Variants in SNAP91 observed in about 807,000 individuals in gnomAD.
SNAP91 encodes clathrin coat assembly protein AP180.
Under a neutral mutation model 100.3 loss-of-function variants are expected in SNAP91, and 27 were observed. The ratio of observed to expected loss-of-function variants is 0.27; its 90% confidence interval spans 0.20 to 0.37. The LOEUF (loss-of-function observed/expected upper bound fraction) is 0.37. SNAP91 is among the 10% of genes least tolerant of loss of function. The probability of loss-of-function intolerance (pLI) is 1.00; values close to 1 mark genes in which losing one functional copy is unlikely to be tolerated. For synonymous variants in SNAP91, 404 were observed against 398.6 expected (o/e 1.01, Z -0.16); for missense variants, 986 against 1,123.7 (o/e 0.88, Z 1.75).
chr6:83,680,083 A>G (rs954055762), intron 2 of SNAP91, among the ~76,000 whole-genome samples: 1 of 152,188 alleles, frequency 6.6e-6, no homozygotes, highest in Non-Finnish European at 1.5e-5. Context: ...ATATATTTAC[A>G]GAACCTTCTG....
intron 2 of SNAP91, chr6:83,689,451 A>T (rs2099104234): frequency 6.6e-6 from 1 of 152,202 alleles, no homozygotes; most frequent in Non-Finnish European, 1.5e-5. Context: ...AATTAGTTGA[A>T]TATAGCTATG....
intron 2 of SNAP91, among the ~76,000 whole-genome samples, chr6:83,694,760 G>A (rs2099173787): frequency 1.3e-5 from 2 of 152,142 alleles, no homozygotes; most frequent in South Asian, 4.1e-4. Flanking sequence ...GCACTAGAGA[G>A]GTCAAGCTTC....
rs1250340779 is a variant in SNAP91, at chr6:83,572,559, T to C, written c.2442+2451A>G. On this transcript the variant is annotated intron_variant, in intron 26 of 29. Coordinates refer to ENST00000369694, the MANE Select transcript of SNAP91 (RefSeq NM_001242792.2). ...GAGCCACCGTGCCCAGCCAACTTTT[T>C]TTTTCCTTTTTTTAACCTACAGCCT... is the stretch of plus-strand genomic sequence containing the variant. Among the ~76,000 whole-genome samples the C allele has an allele frequency of 2.0e-5, 3 of 152,146 alleles. No homozygotes were observed. The South Asian group carries it at 6.2e-4, about 32-fold the overall frequency.
intron 2 of SNAP91, among the ~76,000 whole-genome samples, chr6:83,674,638 C>T (rs2098835577): frequency 6.6e-6 from 1 of 152,076 alleles, no homozygotes; most frequent in African/African-American, 2.4e-5. Context: ...GGCTTCTATG[C>T]TTTCAAAGAA....
rs1261149579 is a variant in SNAP91, at chr6:83,556,238, G to A, written c.2639C>T (p.Pro880Leu). Reference protein sequence around the residue: ...AAAVPGTQLSPSPTPASQSPK... With the variant: ...AAAVPGTQLSLSPTPASQSPK... ...ACTCTGACTGGCAGGTGTAGGGCTT[G>A]GAGAAAGCTAATGGGAAAAAGCCAG... Residue 880 changes from proline to leucine, a missense_variant, in exon 29 of 30, where the codon CCA becomes CTA. By Grantham distance (98) the Pro-to-Leu change is moderately conservative. This residue lies in a region of SNAP91 where 71 missense variants were observed against 68.5 expected (regional missense o/e 1.04). Coordinates refer to ENST00000369694, the MANE Select transcript of SNAP91 (RefSeq NM_001242792.2). The A allele has an allele frequency of 9.8e-6, 15 of 1,532,142 alleles. No individual in the cohort carries two copies. Among genetic ancestry groups the A allele is most frequent in the Non-Finnish European group, 1.3e-5 (15 of 1,135,674 alleles). 94.9% of individuals were successfully genotyped at this position (1,532,142 alleles called of 1,614,324 possible). A position where few individuals can be genotyped will look rare whatever the true frequency, so the allele number is the denominator to read the frequency against.
At position 83,677,109 on chromosome 6, in the gene SNAP91, C is replaced by G. The variant is rs2098919830; in HGVS notation, c.131-11528G>C. 2.6e-5 allele frequency among the ~76,000 whole-genome samples: 4 copies of G among 152,280 alleles called. No homozygotes were observed. In the South Asian group the frequency reaches 6.2e-4, roughly 24 times the overall value. On this transcript the variant is annotated intron_variant, in intron 2 of 29. Transcript: ENST00000369694. Reference sequence around the variant, plus strand: ...TATCTAGTTCATGTTTCTCTTTCCACCCACTTCCACCTAGTTGTCACTCTC... The same window carrying G: ...TATCTAGTTCATGTTTCTCTTTCCAGCCACTTCCACCTAGTTGTCACTCTC...
chr6:83,647,209 C>CT (rs2097963778), intron 7 of SNAP91, among the ~76,000 whole-genome samples: 1 of 152,036 alleles, frequency 6.6e-6, no homozygotes, highest in Non-Finnish European at 1.5e-5. Context: ...ACTGCATTAG[C>CT]TAGAACTTCC....
intron 17 of SNAP91, 146 bp from the exon 18 acceptor site, chr6:83,593,887 T>A (rs1323446346): frequency 3.1e-6 from 4 of 1,293,762 alleles, no homozygotes; most frequent in Non-Finnish European, 4.1e-6. Flanking sequence ...ACTATCCTAC[T>A]GGCAGGGGTT....
At chr6:83,676,074 G>A (rs1421701655) in intron 2 of SNAP91, among the ~76,000 whole-genome samples, 1 of 149,328 alleles carries the variant, frequency 6.7e-6, no homozygotes, top group East Asian at 2.0e-4. Context: ...TTGCCTCACT[G>A]CACTCCAACT....
intron 8 of SNAP91, among the ~76,000 whole-genome samples, chr6:83,635,738 T>C (rs1465038504): frequency 6.6e-6 from 1 of 152,310 alleles, no homozygotes; most frequent in Non-Finnish European, 1.5e-5. Context: ...GGTTGCTTTA[T>C]AGTCTCAGCT....
chr6:83,565,601 C>G (rs943376607), intron 26 of SNAP91, among the ~76,000 whole-genome samples: 2 of 152,010 alleles, frequency 1.3e-5, no homozygotes, highest in Non-Finnish European at 1.5e-5. Context: ...ACAGCCCCAG[C>G]CAGAGAGTGT....
rs989675803 is a variant in SNAP91, at chr6:83,596,307, C to T, written c.1325-1826G>A. On this transcript the variant is annotated intron_variant, in intron 16 of 29. Transcript: ENST00000369694. ...AGAATACATCAAGGGATAGAGTAGG[C>T]CTACTTTCTAAATGCCATGTTAAAG... 2.0e-5 allele frequency among the ~76,000 whole-genome samples: 3 copies of T among 152,078 alleles called. No homozygotes were observed. In the East Asian group the frequency reaches 5.8e-4, roughly 29 times the overall value.
At chr6:83,592,570 T>C (rs1264878214) in intron 20 of SNAP91, 32 bp from the exon 21 acceptor site, 1 of 1,557,928 alleles carries the variant, frequency 6.4e-7, no homozygotes, top group East Asian at 2.3e-5. Flanking sequence ...AAAAAGTGCA[T>C]GTCACCCAAG....
At chr6:83,633,791 C>A (rs923517709) in intron 8 of SNAP91, among the ~76,000 whole-genome samples, 1 of 152,124 alleles carries the variant, frequency 6.6e-6, no homozygotes, top group Non-Finnish European at 1.5e-5. Context: ...GAATCTGCCC[C>A]AGGCTACCCA....
chr6:83,648,529 A>T (rs2098058857), intron 7 of SNAP91, among the ~76,000 whole-genome samples: 1 of 152,114 alleles, frequency 6.6e-6, no homozygotes, highest in African/African-American at 2.4e-5. Context: ...GAAAACAGTA[A>T]ATGTAAAATG....
intron 2 of SNAP91, among the ~76,000 whole-genome samples, chr6:83,684,174 G>A (rs1251324953): frequency 6.6e-6 from 1 of 152,138 alleles, no homozygotes; most frequent in African/African-American, 2.4e-5. Context: ...GTCATTATAT[G>A]TAAGAAGTTA....
At chr6:83,653,612 G>A (rs2098292024) in intron 7 of SNAP91, among the ~76,000 whole-genome samples, 1 of 152,060 alleles carries the variant, frequency 6.6e-6, no homozygotes, top group Admixed American at 6.6e-5. Context: ...GCCATGTCGG[G>A]TTCTGATGCT....
chr6:83,608,555 TTAG>T (rs2095795470), intron 12 of SNAP91, among the ~76,000 whole-genome samples: 1 of 152,136 alleles, frequency 6.6e-6, no homozygotes, highest in African/African-American at 2.4e-5. Flanking sequence ...GTATTGATAC[TTAG>T]TTCTGTTAGT....
rs1351017120 is a variant in SNAP91 at position 83,662,387 on chromosome 6, T to G, written c.309A>C (p.Leu103=). 1 of 1,431,074 alleles carries G rather than the reference T, an allele frequency of 7.0e-7. No individual in the cohort carries two copies. The highest frequency in any genetic ancestry group is 1.4e-5 in the African/African-American group (1 of 69,106). 88.6% of individuals were successfully genotyped at this position (1,431,074 alleles called of 1,614,324 possible). A position where few individuals can be genotyped will look rare whatever the true frequency, so the allele number is the denominator to read the frequency against. Residue 103 remains leucine (L), a synonymous_variant, in exon 4 of 30, where the codon CTA becomes CTC. Coordinates refer to ENST00000369694, the MANE Select transcript of SNAP91 (RefSeq NM_001242792.2). ...FIQYLASRNT[L]FNLSNFLDKS... is the part of the protein sequence containing the mutation. The stretch of plus-strand genomic sequence containing the variant: ...TGTCCAAAAAATTGCTGAGATTGAA[T>G]AGTGTATTTCTAGAAGCCAAATATT...
Sources: allele counts gnomAD v4.1 joint callset (sites outside exome capture counted in the v4.1 genomes callset), GRCh38; gene constraint gnomAD v4.1.1; regional missense constraint gnomAD v4.1.1; transcripts MANE v1.5; gene names NCBI Gene and HGNC (gene_info 2026-07-23, HGNC 2026-07-21).